Variants in RASSF3 observed in about 807,000 individuals in gnomAD.
RASSF3 encodes the protein Ras association domain family member 3, also known as ras association domain-containing protein 3.
Under a neutral mutation model 19.9 loss-of-function variants are expected in RASSF3, and 19 were observed. The observed-to-expected ratio is 0.96, with a 90% CI of 0.67 to 1.40. The LOEUF (loss-of-function observed/expected upper bound fraction) is 1.40. RASSF3 is among the 40% of genes most tolerant of loss of function. The pLI is 0.00. For synonymous variants in RASSF3, 110 were observed against 104.2 expected (o/e 1.06, Z -0.34); for missense variants, 306 against 289.8 (o/e 1.06, Z -0.41).
At chr12:64,658,516 AT>A (rs1437725353) in intron 1 of RASSF3, among the ~76,000 whole-genome samples, 5 of 152,310 alleles carry the variant, frequency 3.3e-5, no homozygotes, top group Non-Finnish European at 7.3e-5. Flanking sequence ...ATAAGAAGGA[AT>A]TACGGCAGGC....
At chr12:64,659,951 CGTGTGTGTGT>C (rs200835780) in intron 1 of RASSF3, among the ~76,000 whole-genome samples, 11,176 of 144,786 alleles carry the variant, frequency 0.077, 448 homozygotes, top group Non-Finnish European at 0.093. Context: ...TCATCTAATA[CGTGTGTGTGT>C]GTGTGTGTGT....
At chr12:64,587,189 G>A (rs956622147) in intron 2 of RASSF3, among the ~76,000 whole-genome samples, 2 of 151,224 alleles carry the variant, frequency 1.3e-5, no homozygotes, top group African/African-American at 2.4e-5. Context: ...CGAGTAGCTG[G>A]GATTACAGGC....
At chr12:64,588,930 A>C (rs959723982) in intron 2 of RASSF3, among the ~76,000 whole-genome samples, 4 of 152,184 alleles carry the variant, frequency 2.6e-5, no homozygotes, top group Non-Finnish European at 5.9e-5. Flanking sequence ...TTTTTAACGG[A>C]GTCAAAATGC....
intron 1 of RASSF3, chr12:64,628,451 C>T (rs961395994): frequency 6.6e-6 from 1 of 152,130 alleles, no homozygotes; most frequent in African/African-American, 2.4e-5. Flanking sequence ...AGGGTTGCTG[C>T]AGCTTTTTGG....
intron 1 of RASSF3, among the ~76,000 whole-genome samples, chr12:64,660,257 A>G (rs1872310376): frequency 6.6e-6 from 1 of 152,044 alleles, no homozygotes. Flanking sequence ...TGCTGGAAAC[A>G]AATTCTTTGT....
chr12:64,571,278 G>A lies in RASSF3; in HGVS notation c.294+29573G>A, dbSNP rs1048898726. On this transcript the variant is annotated intron_variant, in intron 2 of 5. Coordinates refer to the RASSF3 transcript ENST00000637125. ...ATAGTTTGTCTCCAAGCTTGCCCAG[G>A]TTGGTGCATTATAATGACACACTGC... 2.0e-5 allele frequency among the ~76,000 whole-genome samples: 3 copies of A among 152,058 alleles called. No individual in the cohort carries two copies. In the South Asian group the frequency reaches 6.2e-4, roughly 32 times the overall value.
intron 2 of RASSF3, among the ~76,000 whole-genome samples, chr12:64,564,451 C>T (rs1869395905): frequency 1.3e-5 from 2 of 151,750 alleles, no homozygotes; most frequent in Admixed American, 1.3e-4. Flanking sequence ...GGCATGATCT[C>T]AGCTCACCAC....
At position 64,559,400 on chromosome 12, in the gene RASSF3, A is replaced by C. The variant is rs180843980; in HGVS notation, c.294+17695A>C. ...CTGGGACTACAGGCGCCTGCCACCA[A>C]ACCTGGCTAATTGTTGTTTTTGTTG... is the stretch of plus-strand genomic sequence containing the variant. On this transcript the variant is annotated intron_variant, in intron 2 of 5. Coordinates refer to the RASSF3 transcript ENST00000637125. 3.5e-3 allele frequency among the ~76,000 whole-genome samples: 476 copies of C among 135,958 alleles called. 5 individuals are homozygous for C. The highest frequency in any genetic ancestry group is 0.013 in the African/African-American group (461 of 36,182). The allele number at this position is 135,958 out of a possible 152,430, so 89.2% of individuals were successfully genotyped here.
At chr12:64,539,821 A>G (rs1401590146) in intron 1 of RASSF3, among the ~76,000 whole-genome samples, 3 of 152,304 alleles carry the variant, frequency 2.0e-5, no homozygotes, top group Admixed American at 2.0e-4. Context: ...ATTATTCTCC[A>G]ACATTATTTA....
intron 1 of RASSF3, among the ~76,000 whole-genome samples, chr12:64,638,703 G>A (rs192230841): frequency 1.3e-5 from 2 of 151,972 alleles, no homozygotes; most frequent in East Asian, 1.9e-4. Context: ...TCTCCCTGTC[G>A]TTTCCCCCAG....
intron 1 of RASSF3, among the ~76,000 whole-genome samples, chr12:64,535,205 C>T (rs1196804523): frequency 6.6e-6 from 1 of 151,886 alleles, no homozygotes; most frequent in Non-Finnish European, 1.5e-5. Flanking sequence ...AAGAGCATTC[C>T]ATTCTATTAA....
chr12:64,542,274 G>A (rs1259775838), downstream of RASSF3, among the ~76,000 whole-genome samples: 3 of 152,192 alleles, frequency 2.0e-5, no homozygotes, highest in African/African-American at 7.2e-5. Context: ...GTTGCATTAA[G>A]CTGAGATTCT....
At chr12:64,626,496 AAAAAAAAAAG>A (rs1565853943) in intron 1 of RASSF3, among the ~76,000 whole-genome samples, 1 of 151,706 alleles carries the variant, frequency 6.6e-6, no homozygotes, top group African/African-American at 2.4e-5. Flanking sequence ...CTCAAAAAAA[AAAAAAAAAAG>A]AAAAAAAAAG....
At chr12:64,679,627 G>T (rs1173090751) in intron 1 of RASSF3, among the ~76,000 whole-genome samples, 1 of 152,084 alleles carries the variant, frequency 6.6e-6, no homozygotes, top group Non-Finnish European at 1.5e-5. Context: ...TCCCATCTGA[G>T]AAAGTTCGCT....
chr12:64,542,342 A>C (rs1479732569), downstream of RASSF3, among the ~76,000 whole-genome samples: 1 of 152,094 alleles, frequency 6.6e-6, no homozygotes, highest in African/African-American at 2.4e-5. Flanking sequence ...AAAAAAACAA[A>C]ACAAAAGAAC....
At chr12:64,539,124 A>G (rs1283270202) in intron 1 of RASSF3, among the ~76,000 whole-genome samples, 1 of 152,216 alleles carries the variant, frequency 6.6e-6, no homozygotes. Flanking sequence ...TAATTTAAAA[A>G]TAAAAGGAAT....
At chr12:64,581,386 A>G (rs377455811) in intron 2 of RASSF3, among the ~76,000 whole-genome samples, 142 of 152,306 alleles carry the variant, frequency 9.3e-4, no homozygotes, top group African/African-American at 3.1e-3. Flanking sequence ...AGCAGTGGTT[A>G]CAGGTAAAGT....
Position 64,695,175 on chromosome 12 carries a change from A to T in RASSF3, c.*263A>T. 2.8e-6 allele frequency: 1 copy of T among 359,316 alleles called. No homozygotes were observed. The highest frequency in any genetic ancestry group is 5.1e-6 in the Non-Finnish European group (1 of 197,342). The allele number at this position is 359,316 out of a possible 1,614,324, so 22.3% of individuals were successfully genotyped here. A position where few individuals can be genotyped will look rare whatever the true frequency, so the allele number is the denominator to read the frequency against. ...CCTGTCGCCTCATCAGGAGCATTCG[A>T]GGGTGCTTGGAAGCATGAACTCTGG... On this transcript the variant is annotated 3_prime_UTR_variant, in exon 5 of 5. Coordinates refer to ENST00000542104, the MANE Select transcript of RASSF3 (RefSeq NM_178169.4).
At chr12:64,582,122 GGATTACAGGAGAGATCCACTGT>G (rs1431430479) in intron 2 of RASSF3, among the ~76,000 whole-genome samples, 1 of 152,056 alleles carries the variant, frequency 6.6e-6, no homozygotes, top group Admixed American at 6.6e-5. Flanking sequence ...CAAAGTGCTG[GGATTACAGGAGAGATCCACTGT>G]GCCCAGCTGA....
Sources: gnomAD v4.1 joint callset for allele counts (sites outside exome capture counted in the v4.1 genomes callset) on GRCh38, gnomAD v4.1.1 for gene constraint, MANE v1.5 for transcripts, NCBI Gene and HGNC (gene_info 2026-07-23, HGNC 2026-07-21) for gene names.